The following MACROD2 variants were observed in gnomAD, a reference collection of about 807,000 sequenced individuals.
MACROD2 encodes the protein ADP-ribose glycohydrolase MACROD2.
In MACROD2, 36 loss-of-function variants were observed where a neutral mutation model predicts 70.4. That is an observed-to-expected ratio of 0.51 (90% CI 0.39 to 0.68). MACROD2 has a LOEUF of 0.68. Among genes scored for constraint, MACROD2 ranks in the 30% least tolerant of loss-of-function variants. The pLI is 0.00. For synonymous variants in MACROD2, 172 were observed against 178.8 expected (o/e 0.96, Z 0.30); for missense variants, 496 against 538.4 (o/e 0.92, Z 0.78).
At chr20:14,784,668 T>TGGGG (rs3045608) in intron 5 of MACROD2, among the ~76,000 whole-genome samples, 30 of 94,808 alleles carry the variant, frequency 3.2e-4, no homozygotes, top group Non-Finnish European at 4.4e-4. Context: ...GTGTTTTAAG[T>TGGGG]GGGGGGGGGG....
chr20:15,533,587 A>C (rs1255804255), intron 8 of MACROD2, among the ~76,000 whole-genome samples: 2 of 142,502 alleles, frequency 1.4e-5, no homozygotes, highest in Non-Finnish European at 3.1e-5. Context: ...CTCTCTTTTT[A>C]AGAAGAAACT....
chr20:14,887,825 C>G (rs954497124), intron 5 of MACROD2, among the ~76,000 whole-genome samples: 2 of 150,202 alleles, frequency 1.3e-5, no homozygotes, highest in Non-Finnish European at 2.9e-5. Context: ...GGACTTGTCT[C>G]GTGATGTCAC....
intron 2 of MACROD2, among the ~76,000 whole-genome samples, chr20:14,036,569 C>G (rs2053313044): frequency 6.6e-6 from 1 of 152,178 alleles, no homozygotes. Flanking sequence ...ATGCCTTATA[C>G]AAAGGTAACT....
At chr20:15,712,885 C>G (rs1056587012) in intron 8 of MACROD2, among the ~76,000 whole-genome samples, 1 of 152,092 alleles carries the variant, frequency 6.6e-6, no homozygotes, top group Non-Finnish European at 1.5e-5. Context: ...AGAAAACAGC[C>G]CTGGAGAGGC....
intron 5 of MACROD2, among the ~76,000 whole-genome samples, chr20:15,003,767 C>A (rs1168208032): frequency 6.6e-6 from 1 of 152,118 alleles, no homozygotes; most frequent in Admixed American, 6.6e-5. Flanking sequence ...AAGCCTGAGG[C>A]CTGCTAAGGT....
At chr20:15,271,960 C>T (rs1447001993) in intron 6 of MACROD2, among the ~76,000 whole-genome samples, 4 of 152,122 alleles carry the variant, frequency 2.6e-5, no homozygotes, top group Admixed American at 6.5e-5. Context: ...CCCACTTCAC[C>T]CACTCCTAAC....
At chr20:14,009,211 C>A (rs935752072) in intron 2 of MACROD2, among the ~76,000 whole-genome samples, 1 of 152,084 alleles carries the variant, frequency 6.6e-6, no homozygotes, top group Non-Finnish European at 1.5e-5. Flanking sequence ...TATAATCTAT[C>A]CATCTGACAA....
intron 5 of MACROD2, among the ~76,000 whole-genome samples, chr20:14,789,919 T>C (rs770811723): frequency 3.9e-5 from 6 of 152,122 alleles, no homozygotes; most frequent in Non-Finnish European, 7.4e-5. Context: ...AGAAAAAATG[T>C]AGTTTTGAAA....
rs376051151 is a variant in MACROD2 at position 15,530,800 on chromosome 20, T to G, written c.645+30953T>G. Among the ~76,000 whole-genome samples, 40 of 152,076 alleles carry G rather than the reference T, an allele frequency of 2.6e-4. No homozygotes were observed. The East Asian group carries it at 4.4e-3, about 17-fold the overall frequency. ...TGTTTTTTCTGATTATGTAACAGTC[T>G]ATGGAGTGGAAGTTCCAATTAATAT... On this transcript the variant is annotated intron_variant, in intron 8 of 17. Transcript: ENST00000684519.
intron 8 of MACROD2, among the ~76,000 whole-genome samples, chr20:15,797,240 AG>A (rs2063682672): frequency 6.6e-6 from 1 of 151,976 alleles, no homozygotes; most frequent in African/African-American, 2.4e-5. Context: ...CAGCCTCCCT[AG>A]TAGCTGGGAC....
At chr20:15,953,988 C>T (rs1424332986) in intron 12 of MACROD2, among the ~76,000 whole-genome samples, 1 of 152,092 alleles carries the variant, frequency 6.6e-6, no homozygotes, top group Non-Finnish European at 1.5e-5. Flanking sequence ...TTGGAGTTCA[C>T]ACATGCATGT....
chr20:14,014,919 G>A (rs1036607251), intron 2 of MACROD2, among the ~76,000 whole-genome samples: 18 of 151,566 alleles, frequency 1.2e-4, no homozygotes, highest in Admixed American at 1.1e-3. Context: ...TCCTACCTCA[G>A]CCTCCTGAGT....
intron 5 of MACROD2, among the ~76,000 whole-genome samples, chr20:14,998,596 A>G (rs183790638): frequency 1.0e-3 from 152 of 152,330 alleles, no homozygotes; most frequent in African/African-American, 3.6e-3. Flanking sequence ...AAAGGAAAAA[A>G]GAATAAAAAA....
chr20:14,255,228 A>T (rs1199117851), intron 3 of MACROD2, among the ~76,000 whole-genome samples: 1 of 152,142 alleles, frequency 6.6e-6, no homozygotes, highest in Non-Finnish European at 1.5e-5. Flanking sequence ...CAGACTGGCA[A>T]ATTGGATAAA....
intron 3 of MACROD2, among the ~76,000 whole-genome samples, chr20:14,168,146 A>G (rs1009661493): frequency 1.7e-4 from 26 of 152,190 alleles, no homozygotes; most frequent in Non-Finnish European, 4.4e-5. Flanking sequence ...AAACATTTTC[A>G]AAAAGGAGTA....
chr20:15,138,344 G>T (rs1357114299), intron 5 of MACROD2, among the ~76,000 whole-genome samples: 1 of 152,112 alleles, frequency 6.6e-6, no homozygotes, highest in Non-Finnish European at 1.5e-5. Flanking sequence ...AGGCATGAAT[G>T]ATTTTTTCAT....
chr20:15,712,725 C>T (rs2050645998), intron 8 of MACROD2, among the ~76,000 whole-genome samples: 1 of 152,194 alleles, frequency 6.6e-6, no homozygotes, highest in Admixed American at 6.5e-5. Flanking sequence ...CCTAACCTTG[C>T]CTTTGCAGCA....
chr20:15,209,011 G>A (rs1259246827), intron 5 of MACROD2, among the ~76,000 whole-genome samples: 3 of 152,100 alleles, frequency 2.0e-5, no homozygotes, highest in Admixed American at 1.3e-4. Context: ...AAGGGATGAA[G>A]CCTTGGCTTT....
At chr20:15,808,768 TA>T (rs2063791889) in intron 8 of MACROD2, among the ~76,000 whole-genome samples, 1 of 152,166 alleles carries the variant, frequency 6.6e-6, no homozygotes, top group South Asian at 2.1e-4. Context: ...TAATATATAA[TA>T]AAACTGTATT....
Sources: gnomAD v4.1 joint callset for allele counts (sites outside exome capture counted in the v4.1 genomes callset) on GRCh38, gnomAD v4.1.1 for gene constraint, MANE v1.5 for transcripts, NCBI Gene and HGNC (gene_info 2026-07-23, HGNC 2026-07-21) for gene names.